AUTS2: variants seen among roughly 807,000 people sequenced by gnomAD.
AUTS2 encodes autism susceptibility gene 2 protein.
A neutral mutation model predicts 112.4 loss-of-function variants in AUTS2; 17 were observed. That is an observed-to-expected ratio of 0.15 (90% CI 0.10 to 0.23). The LOEUF is 0.23. Ranked by LOEUF, AUTS2 falls within the 10% of genes least tolerant of loss-of-function variation. The pLI is 1.00. For missense variants in AUTS2, 1,510 were observed against 1,701.6 expected (o/e 0.89, Z 1.98); for synonymous variants, 751 against 702.7 (o/e 1.07, Z -1.09).
At chr7:69,816,298 T>C (rs542764362) in intron 1 of AUTS2, among the ~76,000 whole-genome samples, 2 of 152,348 alleles carry the variant, frequency 1.3e-5, no homozygotes, top group South Asian at 4.2e-4. Flanking sequence ...CATTCCGTTC[T>C]CCCCAGACGG....
intron 4 of AUTS2, among the ~76,000 whole-genome samples, chr7:70,339,587 T>G (rs1416862461): frequency 1.3e-5 from 2 of 152,222 alleles, no homozygotes; most frequent in Admixed American, 1.3e-4. Flanking sequence ...ATGTGAAACC[T>G]TGCTTCTTGA....
chr7:70,659,670 GAA>G (rs1030868912), intron 5 of AUTS2, among the ~76,000 whole-genome samples: 50 of 152,158 alleles, frequency 3.3e-4, no homozygotes, highest in African/African-American at 1.2e-3. Context: ...TTATGGCTGG[GAA>G]AAAAAGAGAT....
intron 5 of AUTS2, among the ~76,000 whole-genome samples, chr7:70,496,013 A>C (rs1372817302): frequency 1.9e-5 from 2 of 105,482 alleles, no homozygotes; most frequent in African/African-American, 8.2e-5. Context: ...ACAGTCACAC[A>C]CACACACCCC....
intron 1 of AUTS2, among the ~76,000 whole-genome samples, chr7:69,624,729 A>C (rs574892072): frequency 6.6e-6 from 1 of 152,308 alleles, no homozygotes; most frequent in African/African-American, 2.4e-5. Context: ...CTATCAACTA[A>C]ACAGGTGACA....
At chr7:69,626,387 C>T (rs1260390262) in intron 1 of AUTS2, among the ~76,000 whole-genome samples, 2 of 151,956 alleles carry the variant, frequency 1.3e-5, no homozygotes, top group Admixed American at 1.3e-4. Context: ...TACTTAAACC[C>T]CGCCTGGTTG....
intron 4 of AUTS2, among the ~76,000 whole-genome samples, chr7:70,323,834 T>G (rs1273230161): frequency 1.3e-5 from 2 of 152,250 alleles, no homozygotes; most frequent in Non-Finnish European, 2.9e-5. Context: ...CTACACAGTG[T>G]AATTGAACAT....
chr7:69,852,442 C>CT (rs1039948478), intron 1 of AUTS2, among the ~76,000 whole-genome samples: 2 of 150,878 alleles, frequency 1.3e-5, no homozygotes, highest in East Asian at 1.9e-4. Context: ...GTTTTCTTTT[C>CT]TTTTTTTTCG....
At chr7:70,649,848 A>G (rs951211832) in intron 5 of AUTS2, among the ~76,000 whole-genome samples, 7 of 152,198 alleles carry the variant, frequency 4.6e-5, no homozygotes, top group Non-Finnish European at 7.3e-5. Flanking sequence ...TTTGTAGGTC[A>G]GCAGAGATGA....
chr7:70,308,963 A>G lies in AUTS2; in HGVS notation c.661-126789A>G, dbSNP rs1789613984. 7.9e-5 allele frequency among the ~76,000 whole-genome samples: 12 copies of G among 152,234 alleles called. No individual in the cohort carries two copies. In the South Asian group the frequency reaches 2.3e-3, roughly 29 times the overall value. ...CTGAGCAGTCCCGTTAAAAAGGCAC[A>G]TGTTCAAAAAGACTAACCAGGTGAG... On this transcript the variant is annotated intron_variant, in intron 4 of 18. Transcript: ENST00000342771.
At position 70,640,655 on chromosome 7, in the gene AUTS2, G is replaced by A. The variant is rs143751175; in HGVS notation, c.691-57914G>A. 6.1e-4 allele frequency among the ~76,000 whole-genome samples: 93 copies of A among 152,228 alleles called. 1 individual carries two copies. In the East Asian group the frequency reaches 0.015, roughly 25 times the overall value. On this transcript the variant is annotated intron_variant, in intron 5 of 18. Transcript: ENST00000342771. ...TCATTGATACCAGTGGTGCTTGTGG[G>A]CGGGGATTGAAAGACGGCTTGGTTC... is the stretch of plus-strand genomic sequence containing the variant.
intron 10 of AUTS2, among the ~76,000 whole-genome samples, chr7:70,769,553 C>T (rs946425323): frequency 7.2e-5 from 11 of 152,222 alleles, no homozygotes; most frequent in African/African-American, 1.2e-4. Context: ...GGCGTGGTGG[C>T]GGGCACCTGT....
At chr7:70,738,227 A>G (rs1360934716) in intron 6 of AUTS2, among the ~76,000 whole-genome samples, 1 of 152,148 alleles carries the variant, frequency 6.6e-6, no homozygotes, top group African/African-American at 2.4e-5. Context: ...CTCTCCAAAC[A>G]AATGACCCGT....
rs141891107 is a variant in AUTS2 at position 70,751,080 on chromosome 7, C to T, written c.743-11790C>T. 7.0e-4 allele frequency among the ~76,000 whole-genome samples: 107 copies of T among 152,244 alleles called. 2 individuals are homozygous for T. In the East Asian group the frequency reaches 0.019, roughly 27 times the overall value. On this transcript the variant is annotated intron_variant, in intron 6 of 18. Transcript: ENST00000342771. ...GATGTCTCTGTTATCAAAAGACGTG[C>T]AAAACACCCCAAAATCGTTGATGAC...
At chr7:70,735,833 C>T (rs1787750559) in intron 6 of AUTS2, among the ~76,000 whole-genome samples, 1 of 152,124 alleles carries the variant, frequency 6.6e-6, no homozygotes, top group Non-Finnish European at 1.5e-5. Context: ...AACGGAACTA[C>T]AAATCTTGGA....
At chr7:70,462,993 A>G (rs1797030188) in intron 5 of AUTS2, among the ~76,000 whole-genome samples, 1 of 152,092 alleles carries the variant, frequency 6.6e-6, no homozygotes, top group African/African-American at 2.4e-5. Flanking sequence ...GAACAAAGTC[A>G]ATCATCACTC....
chr7:70,377,020 G>T lies in AUTS2; in HGVS notation c.661-58732G>T, dbSNP rs547991030. ...AACTGGATAATATCATTGGCAAATT[G>T]TGGCTTCATTGATGCCTGTTTATTT... On this transcript the variant is annotated intron_variant, in intron 4 of 18. Transcript: ENST00000342771. 5.9e-5 allele frequency among the ~76,000 whole-genome samples: 9 copies of T among 151,760 alleles called. No individual in the cohort carries two copies. The East Asian group carries it at 1.8e-3, about 30-fold the overall frequency.
At chr7:69,956,355 A>G (rs973855815) in intron 2 of AUTS2, among the ~76,000 whole-genome samples, 6 of 152,222 alleles carry the variant, frequency 3.9e-5, no homozygotes, top group African/African-American at 1.4e-4. Context: ...GTACTCATAT[A>G]AAACTGAAAG....
chr7:70,219,752 A>G (rs1811376623), intron 4 of AUTS2, among the ~76,000 whole-genome samples: 1 of 151,864 alleles, frequency 6.6e-6, no homozygotes, highest in Non-Finnish European at 1.5e-5. Flanking sequence ...TTGTATTTTT[A>G]GTAGAGACAG....
At chr7:70,190,229 G>A (rs1809811078) in intron 4 of AUTS2, among the ~76,000 whole-genome samples, 1 of 152,100 alleles carries the variant, frequency 6.6e-6, no homozygotes. Context: ...GTGTTGCTTG[G>A]TATTTAATCA....
Sources: allele counts gnomAD v4.1 joint callset (sites outside exome capture counted in the v4.1 genomes callset), GRCh38; gene constraint gnomAD v4.1.1; transcripts MANE v1.5; gene names NCBI Gene and HGNC (gene_info 2026-07-23, HGNC 2026-07-21).